KHDRBS2: variants seen among roughly 807,000 people sequenced by gnomAD.
KHDRBS2 encodes KH domain-containing, RNA-binding, signal transduction-associated protein 2.
KHDRBS2 carries 26 observed loss-of-function variants against 44.3 expected under a neutral mutation model. That is an observed-to-expected ratio of 0.59 (90% CI 0.43 to 0.81). The LOEUF is 0.81. KHDRBS2 is among the 40% of genes least tolerant of loss of function. The pLI is 0.00. For missense variants in KHDRBS2, 476 were observed against 433.1 expected, an observed-to-expected ratio of 1.10 and a Z score of -0.88; for synonymous variants, 194 against 151.1, an observed-to-expected ratio of 1.28 and a Z score of -2.08.
intron 6 of KHDRBS2, among the ~76,000 whole-genome samples, chr6:61,798,364 T>C (rs1344974407): frequency 6.6e-6 from 1 of 152,120 alleles, no homozygotes; most frequent in East Asian, 1.9e-4. Flanking sequence ...TTAATCTGTG[T>C]TCATACTGAC....
chr6:62,162,796 A>T lies in KHDRBS2; in HGVS notation c.219+14389T>A, dbSNP rs552922456. On this transcript the variant is annotated intron_variant, in intron 2 of 8. Transcript: ENST00000281156. ...TAAGACTACTAAGTTTGCCTGGCACATTGGATAGAATGTGCAGGAGAAAGA... is the reference window on the plus strand; with the variant it reads ...TAAGACTACTAAGTTTGCCTGGCACTTTGGATAGAATGTGCAGGAGAAAGA... 9.9e-5 allele frequency among the ~76,000 whole-genome samples: 15 copies of T among 152,188 alleles called. No homozygotes were observed. The South Asian group carries it at 3.1e-3, about 32-fold the overall frequency.
At chr6:62,225,462 T>A (rs568319703) in intron 1 of KHDRBS2, among the ~76,000 whole-genome samples, 1 of 152,336 alleles carries the variant, frequency 6.6e-6, no homozygotes, top group Admixed American at 6.5e-5. Flanking sequence ...GGAAGAAACA[T>A]GATTATGATA....
intron 2 of KHDRBS2, among the ~76,000 whole-genome samples, chr6:62,097,002 C>A (rs1407603830): frequency 6.6e-6 from 1 of 151,628 alleles, no homozygotes; most frequent in Non-Finnish European, 1.5e-5. Flanking sequence ...ATTGGTTGGT[C>A]AGAAGCATGT....
chr6:61,771,134 G>A (rs2127576536), intron 6 of KHDRBS2, among the ~76,000 whole-genome samples: 1 of 152,286 alleles, frequency 6.6e-6, no homozygotes, highest in South Asian at 2.1e-4. Context: ...AGAAGCAAAT[G>A]CTGAGAGATT....
In KHDRBS2 at chr6:61,912,348, T is replaced by C. The variant is rs549469998; in HGVS notation, c.484-10977A>G. On this transcript the variant is annotated intron_variant, in intron 4 of 8. Transcript: ENST00000281156. Reference sequence around the variant, plus strand: ...GATTTATATTTAGAAGACCTAGGTATATGTCATTTATTCTTTTCCTTGCTT... The same window carrying C: ...GATTTATATTTAGAAGACCTAGGTACATGTCATTTATTCTTTTCCTTGCTT... 8.6e-4 allele frequency among the ~76,000 whole-genome samples: 131 copies of C among 152,276 alleles called. 2 individuals are homozygous for C. The South Asian group carries it at 9.1e-3, about 11-fold the overall frequency.
intron 6 of KHDRBS2, among the ~76,000 whole-genome samples, chr6:61,815,661 T>A (rs1308999029): frequency 2.6e-5 from 4 of 152,180 alleles, no homozygotes; most frequent in Non-Finnish European, 5.9e-5. Context: ...AACACTTCTA[T>A]CCCTGAAGTA....
intron 6 of KHDRBS2, among the ~76,000 whole-genome samples, chr6:61,777,039 C>CA (rs1473439051): frequency 6.7e-6 from 1 of 150,022 alleles, no homozygotes; most frequent in African/African-American, 2.5e-5. Context: ...ATCACAAGGA[C>CA]AAAAAACCAA....
chr6:61,665,730 T>C, the KHDRBS2 span, among the ~76,000 whole-genome samples: 1 of 151,220 alleles, frequency 6.6e-6, no homozygotes. Context: ...ACAAAACTGA[T>C]GTTCTGTGTA....
At chr6:62,179,413 T>C (rs1422359451) in intron 1 of KHDRBS2, among the ~76,000 whole-genome samples, 2 of 151,780 alleles carry the variant, frequency 1.3e-5, no homozygotes, top group Non-Finnish European at 3.0e-5. Flanking sequence ...ACTTGTTAAA[T>C]TGAAAATCAC....
chr6:62,235,442 T>C (rs2150162467), intron 1 of KHDRBS2, among the ~76,000 whole-genome samples: 1 of 152,056 alleles, frequency 6.6e-6, no homozygotes, highest in East Asian at 1.9e-4. Flanking sequence ...TATCTTCTCA[T>C]ACCTTCCTGA....
intron 6 of KHDRBS2, among the ~76,000 whole-genome samples, chr6:61,869,773 C>T (rs1402278508): frequency 2.6e-5 from 4 of 152,076 alleles, no homozygotes; most frequent in African/African-American, 7.2e-5. Flanking sequence ...ATTCTCTCCC[C>T]TACCCAATGG....
chr6:61,641,126 T>C, the KHDRBS2 span, among the ~76,000 whole-genome samples: 2 of 152,092 alleles, frequency 1.3e-5, no homozygotes, highest in East Asian at 1.9e-4. Flanking sequence ...TTCCCTCCAT[T>C]GTCAGAGATG....
At chr6:62,178,208 A>G (rs2150123958) in intron 1 of KHDRBS2, among the ~76,000 whole-genome samples, 1 of 151,646 alleles carries the variant, frequency 6.6e-6, no homozygotes, top group South Asian at 2.1e-4. Context: ...GTGATATTTG[A>G]TCAAAGCCCT....
chr6:61,670,099 C>A, the KHDRBS2 span, among the ~76,000 whole-genome samples: 1 of 151,242 alleles, frequency 6.6e-6, no homozygotes, highest in Non-Finnish European at 1.5e-5. Flanking sequence ...TTATACATTT[C>A]TTATTTTTAA....
intron 1 of KHDRBS2, among the ~76,000 whole-genome samples, chr6:62,227,666 T>C (rs1386929667): frequency 6.6e-6 from 1 of 152,214 alleles, no homozygotes; most frequent in Non-Finnish European, 1.5e-5. Context: ...GTGTTTGTCA[T>C]AAATAGTTGT....
At chr6:62,065,332 A>G (rs1793332586) in intron 2 of KHDRBS2, among the ~76,000 whole-genome samples, 1 of 152,016 alleles carries the variant, frequency 6.6e-6, no homozygotes, top group Non-Finnish European at 1.5e-5. Context: ...ACACATGCAC[A>G]TGTATGTTTA....
rs746370342 is a variant in KHDRBS2, at chr6:62,274,991, A to T, written c.91+10867T>A. On this transcript the variant is annotated intron_variant, in intron 1 of 8. Transcript: ENST00000281156. Reference sequence around the variant, plus strand: ...TATGCTTAACAAACACAATATATACATATATCGCTCATCAAATACACACAC... The same window carrying T: ...TATGCTTAACAAACACAATATATACTTATATCGCTCATCAAATACACACAC... Among the ~76,000 whole-genome samples the T allele has an allele frequency of 9.0e-5, 13 of 143,992 alleles. No individual in the cohort carries two copies. In the South Asian group the frequency reaches 3.0e-3, roughly 33 times the overall value. 94.5% of individuals were successfully genotyped at this position (143,992 alleles called of 152,430 possible).
At position 61,719,698 on chromosome 6, in the gene KHDRBS2, C is replaced by T. The variant is rs780740287; in HGVS notation, c.893+12984G>A. Among the ~76,000 whole-genome samples the T allele has an allele frequency of 1.3e-3, 198 of 152,120 alleles. 1 individual carries two copies. Among genetic ancestry groups the T allele is most frequent in the Admixed American group, 2.8e-3 (42 of 15,252 alleles). On this transcript the variant is annotated intron_variant, in intron 7 of 8. Transcript: ENST00000281156. ...GAGAAAAAGATGATGGTCAGAGACA[C>T]CTTATATCATTGTCATCTTTACCAG...
chr6:61,562,422 G>T, the KHDRBS2 span, among the ~76,000 whole-genome samples: 8 of 152,116 alleles, frequency 5.3e-5, no homozygotes, highest in Non-Finnish European at 1.2e-4. Flanking sequence ...CTAGTATAAA[G>T]ACTAATACAT....
Sources: allele counts gnomAD v4.1 joint callset (sites outside exome capture counted in the v4.1 genomes callset), GRCh38; gene constraint gnomAD v4.1.1; transcripts MANE v1.5; gene names NCBI Gene and HGNC (gene_info 2026-07-23, HGNC 2026-07-21).